KIAA0319: variants seen among roughly 807,000 people sequenced by gnomAD.
KIAA0319 encodes the protein dyslexia-associated protein KIAA0319.
In KIAA0319, 83 loss-of-function variants were observed where a neutral mutation model predicts 108.4. The observed-to-expected ratio is 0.77, with a 90% confidence interval of 0.64 to 0.92. KIAA0319 has a LOEUF of 0.92. Among genes scored for constraint, KIAA0319 ranks in the 40% least tolerant of loss-of-function variants. KIAA0319 has a pLI of 0.00. For synonymous variants in KIAA0319, 484 were observed against 510.4 expected (o/e 0.95, Z 0.70); for missense variants, 1,195 against 1,322.4 (o/e 0.90, Z 1.49).
rs947264050 is a variant in KIAA0319, at chr6:24,598,839, G to T, written c.55+2210C>A. Reference sequence around the variant, plus strand: ...TGCAGTGAGCCGAGATCATGCCCCTGCACTCCAGCCTGGGTGACAGAGTGA... The same window carrying T: ...TGCAGTGAGCCGAGATCATGCCCCTTCACTCCAGCCTGGGTGACAGAGTGA... On this transcript the variant is annotated intron_variant, in intron 2 of 20. Coordinates refer to ENST00000378214, the MANE Select transcript of KIAA0319 (RefSeq NM_014809.4). The T allele has an allele frequency of 7.7e-5, 22 of 286,212 alleles. No individual in the cohort carries two copies. The Admixed American group carries it at 8.3e-4, about 11-fold the overall frequency. 17.7% of individuals were successfully genotyped at this position (286,212 alleles called of 1,614,324 possible).
chr6:24,624,007 T>TG (rs1428212644), intron 1 of KIAA0319, among the ~76,000 whole-genome samples: 1 of 135,214 alleles, frequency 7.4e-6, no homozygotes, highest in African/African-American at 2.9e-5. Flanking sequence ...ATTTTGAATT[T>TG]CTTTGTTTTC....
At chr6:24,552,357 C>A (rs1228624311) in intron 19 of KIAA0319, among the ~76,000 whole-genome samples, 2 of 152,172 alleles carry the variant, frequency 1.3e-5, no homozygotes, top group African/African-American at 2.4e-5. Flanking sequence ...ATCACAATGG[C>A]AAATACTTCA....
chr6:24,590,501 A>G (rs1304969734), intron 3 of KIAA0319, among the ~76,000 whole-genome samples: 1 of 152,182 alleles, frequency 6.6e-6, no homozygotes, highest in African/African-American at 2.4e-5. Flanking sequence ...GCTCTCTAAG[A>G]ATAGCACGAA....
chr6:24,542,238 C>G (rs191609722), downstream of KIAA0319, among the ~76,000 whole-genome samples: 20 of 152,332 alleles, frequency 1.3e-4, no homozygotes, highest in Non-Finnish European at 1.9e-4. Flanking sequence ...AGTATTTGCT[C>G]TCTCAGTAAA....
At chr6:24,636,182 C>T (rs75951195) in intron 1 of KIAA0319, among the ~76,000 whole-genome samples, 5,089 of 152,250 alleles carry the variant, frequency 0.033, 264 homozygotes, top group African/African-American at 0.11. Flanking sequence ...TACATACCTA[C>T]GCCCCAAAGA....
chr6:24,641,543 A>G (rs1776897253), intron 1 of KIAA0319, among the ~76,000 whole-genome samples: 1 of 152,218 alleles, frequency 6.6e-6, no homozygotes, highest in African/African-American at 2.4e-5. Flanking sequence ...AACATTGAAG[A>G]CTAGTTAACC....
intron 1 of KIAA0319, among the ~76,000 whole-genome samples, chr6:24,614,420 T>C (rs1437891872): frequency 6.6e-6 from 1 of 152,166 alleles, no homozygotes; most frequent in Non-Finnish European, 1.5e-5. Context: ...TGTTCCCTCC[T>C]CTAGACAAGT....
intron 2 of KIAA0319, among the ~76,000 whole-genome samples, chr6:24,597,284 T>A (rs1445374091): frequency 6.6e-6 from 1 of 152,216 alleles, no homozygotes; most frequent in Non-Finnish European, 1.5e-5. Context: ...TCACAGGCTA[T>A]TTTAATGGTG....
At position 24,583,608 on chromosome 6, in the gene KIAA0319, A is replaced by G; in HGVS notation, c.1089T>C (p.Pro363=). The G allele has an allele frequency of 6.2e-7, 1 of 1,610,596 alleles. No homozygotes were observed. Among genetic ancestry groups the G allele is most frequent in the Non-Finnish European group, 8.5e-7 (1 of 1,176,920 alleles). Reference sequence around the variant, plus strand: ...GGAGGAAGGTTAAACTCTCACCTACAGGTGGCGCTGGCGCAACAAAGGCCT... The same window carrying G: ...GGAGGAAGGTTAAACTCTCACCTACGGGTGGCGCTGGCGCAACAAAGGCCT... ...ELKAFVAPAP[P]VETTYNYEWN... Residue 363 remains proline (P), a synonymous_variant, in exon 5 of 21, where the codon CCT becomes CCC. Transcript: ENST00000378214.
At chr6:24,556,819 C>CA (rs1183844290) in intron 17 of KIAA0319, 90 bp from the exon 18 acceptor site, 17 of 1,392,392 alleles carry the variant, frequency 1.2e-5, no homozygotes, top group Non-Finnish European at 1.5e-5. Context: ...GCATAGGTCC[C>CA]AAATAAAAGC....
chr6:24,630,468 C>CG (rs1775374293), intron 1 of KIAA0319, among the ~76,000 whole-genome samples: 1 of 140,096 alleles, frequency 7.1e-6, no homozygotes, highest in Non-Finnish European at 1.5e-5. Flanking sequence ...GAGATTGCAC[C>CG]ACTGTACTCC....
chr6:24,610,363 C>G (rs1029588397), intron 1 of KIAA0319, among the ~76,000 whole-genome samples: 2 of 152,106 alleles, frequency 1.3e-5, no homozygotes. Flanking sequence ...CAGGGAAATG[C>G]AAGTCAGAGA....
At chr6:24,636,191 G>C (rs934371889) in intron 1 of KIAA0319, among the ~76,000 whole-genome samples, 9 of 152,172 alleles carry the variant, frequency 5.9e-5, no homozygotes, top group Non-Finnish European at 1.2e-4. Context: ...ACGCCCCAAA[G>C]AAAGGGAATC....
At chr6:24,566,554 G>A (rs1763922664) in intron 14 of KIAA0319, 43 bp downstream of exon 14, 1 of 1,540,364 alleles carries the variant, frequency 6.5e-7, no homozygotes, top group Non-Finnish European at 8.8e-7. Flanking sequence ...TAATGCAGAT[G>A]TAATGATAAG....
At chr6:24,554,440 A>G in intron 19 of KIAA0319, 101 bp downstream of exon 19, 1 of 821,542 alleles carries the variant, frequency 1.2e-6, no homozygotes, top group Non-Finnish European at 2.0e-6. Context: ...TATTATAATA[A>G]ACAGCTTAGT....
At chr6:24,640,500 T>C (rs997721344) in intron 1 of KIAA0319, among the ~76,000 whole-genome samples, 1 of 151,946 alleles carries the variant, frequency 6.6e-6, no homozygotes, top group South Asian at 2.1e-4. Context: ...GATAAGAAGA[T>C]GAAAAAAGGT....
intron 16 of KIAA0319, among the ~76,000 whole-genome samples, chr6:24,563,009 A>C (rs1763307223): frequency 6.6e-6 from 1 of 152,160 alleles, no homozygotes. Flanking sequence ...GTCCCCATGA[A>C]CGTGGGGCAG....
intron 1 of KIAA0319, among the ~76,000 whole-genome samples, chr6:24,635,453 T>TA (rs1027531735): frequency 6.6e-6 from 1 of 152,194 alleles, no homozygotes; most frequent in African/African-American, 2.4e-5. Flanking sequence ...ATTTTTTTTT[T>TA]ATTTCAGCAT....
At chr6:24,584,529 C>T (rs541805004) in intron 4 of KIAA0319, among the ~76,000 whole-genome samples, 2 of 151,336 alleles carry the variant, frequency 1.3e-5, no homozygotes, top group East Asian at 3.9e-4. Flanking sequence ...CCCCTCCTCT[C>T]AGTCCTCAGT....
Sources: gnomAD v4.1 joint callset for allele counts (sites outside exome capture counted in the v4.1 genomes callset) on GRCh38, gnomAD v4.1.1 for gene constraint, MANE v1.5 for transcripts, NCBI Gene and HGNC (gene_info 2026-07-23, HGNC 2026-07-21) for gene names.